The following RBFOX1 variants were observed in gnomAD, a reference collection of about 807,000 sequenced individuals.
RBFOX1 encodes the protein RNA binding fox-1 homolog 1, also known as RNA binding protein fox-1 homolog 1.
In RBFOX1, 8 loss-of-function variants were observed where a neutral mutation model predicts 57.7. That is an observed-to-expected ratio of 0.14 (90% CI 0.08 to 0.25). The LOEUF (loss-of-function observed/expected upper bound fraction) is 0.25. RBFOX1 is among the 10% of genes least tolerant of loss of function. RBFOX1 has a pLI of 1.00. For missense variants in RBFOX1, 611 were observed against 548.5 expected, an observed-to-expected ratio of 1.11 and a Z score of -1.14; for synonymous variants, 326 against 222.4, an observed-to-expected ratio of 1.47 and a Z score of -4.15.
intron 4 of RBFOX1, among the ~76,000 whole-genome samples, chr16:7,246,342 C>T (rs2094298089): frequency 6.6e-6 from 1 of 152,182 alleles, no homozygotes; most frequent in Non-Finnish European, 1.5e-5. Context: ...TCCTTGCTCC[C>T]TGGCATCCCC....
chr16:6,449,192 C>T (rs1597392544), intron 2 of RBFOX1, among the ~76,000 whole-genome samples: 2 of 152,290 alleles, frequency 1.3e-5, no homozygotes, highest in East Asian at 1.9e-4. Context: ...AAGTGCTGCA[C>T]ATAGCATAAT....
chr16:7,195,831 G>T (rs2086565877), intron 4 of RBFOX1, among the ~76,000 whole-genome samples: 1 of 152,100 alleles, frequency 6.6e-6, no homozygotes, highest in Non-Finnish European at 1.5e-5. Flanking sequence ...GGGGTTACAG[G>T]CATGAACCAC....
chr16:7,710,415 T>A, intron 15 of RBFOX1: 1 of 1,391,196 alleles, frequency 7.2e-7, no homozygotes, highest in Non-Finnish European at 9.2e-7. Flanking sequence ...CAGAATTTGG[T>A]TTTGCAGGGA....
At chr16:5,833,512 AAAAG>A (rs913324682) in intron 3 of RBFOX1, among the ~76,000 whole-genome samples, 13 of 151,082 alleles carry the variant, frequency 8.6e-5, no homozygotes, top group African/African-American at 3.2e-4. Flanking sequence ...AAAAAAAAAA[AAAAG>A]AAAGAAATCT....
chr16:7,683,212 T>C (rs1207298369), intron 14 of RBFOX1, among the ~76,000 whole-genome samples: 2 of 149,054 alleles, frequency 1.3e-5, no homozygotes, highest in Non-Finnish European at 3.0e-5. Context: ...GTCACCGTAA[T>C]TTTTTAAAAT....
intron 4 of RBFOX1, 30 bp downstream of exon 4, chr16:7,052,128 T>G: frequency 6.3e-7 from 1 of 1,585,534 alleles, no homozygotes; most frequent in Non-Finnish European, 8.5e-7. Flanking sequence ...AAATGCTTCC[T>G]GATTCTCATT....
At position 6,450,786 on chromosome 16, in the gene RBFOX1, T is replaced by C. The variant is rs866936440; in HGVS notation, c.-64+133729T>C. ...ATATGTGTATATATATATATATATA[T>C]ATACATATATATATGTATATATATA... On this transcript the variant is annotated intron_variant, in intron 2 of 15. Coordinates refer to ENST00000550418, the MANE Select transcript of RBFOX1 (RefSeq NM_018723.4). Among the ~76,000 whole-genome samples the C allele has an allele frequency of 4.7e-3, 251 of 53,786 alleles. 16 individuals are homozygous for C. Among genetic ancestry groups the C allele is most frequent in the African/African-American group, 0.022 (224 of 10,304 alleles). 35.3% of individuals were successfully genotyped at this position (53,786 alleles called of 152,430 possible).
At chr16:6,000,818 T>TGGG (rs1345590154) in intron 4 of RBFOX1, among the ~76,000 whole-genome samples, 1 of 113,654 alleles carries the variant, frequency 8.8e-6, no homozygotes, top group South Asian at 3.4e-4. Flanking sequence ...GGTGGATGAG[T>TGGG]TGGTGGGTGG....
At position 7,627,506 on chromosome 16, in the gene RBFOX1, GC is replaced by G. The variant is rs1247693208; in HGVS notation, c.677-3096del. Reference sequence around the variant, plus strand: ...CATGTGATACAAATGAAGGTTCCTGGCATTTGGCAGTAGAAGGTTTATGTTG... The same window carrying G: ...CATGTGATACAAATGAAGGTTCCTGGATTTGGCAGTAGAAGGTTTATGTTG... On this transcript the variant is annotated intron_variant, in intron 10 of 15. Transcript: ENST00000550418. 2.6e-5 allele frequency among the ~76,000 whole-genome samples: 4 copies of G among 152,152 alleles called. No homozygotes were observed. In the East Asian group the frequency reaches 7.7e-4, roughly 29 times the overall value.
intron 1 of RBFOX1, among the ~76,000 whole-genome samples, chr16:6,029,628 C>T (rs2095258384): frequency 6.6e-6 from 1 of 151,960 alleles, no homozygotes; most frequent in Non-Finnish European, 1.5e-5. Flanking sequence ...AAAAAATTAG[C>T]CGGGCGTGGT....
At chr16:6,928,549 C>G (rs1366732846) in intron 3 of RBFOX1, among the ~76,000 whole-genome samples, 2 of 152,018 alleles carry the variant, frequency 1.3e-5, no homozygotes, top group Admixed American at 6.5e-5. Flanking sequence ...CCAGGGTAAC[C>G]TTGTTGGCCC....
At chr16:7,529,160 C>T (rs1409166846) in intron 5 of RBFOX1, among the ~76,000 whole-genome samples, 1 of 152,118 alleles carries the variant, frequency 6.6e-6, no homozygotes, top group Non-Finnish European at 1.5e-5. Context: ...GCTCGGGAGG[C>T]TGAGGCAGAA....
chr16:5,914,353 C>T (rs1222184917), intron 4 of RBFOX1, among the ~76,000 whole-genome samples: 3 of 152,188 alleles, frequency 2.0e-5, no homozygotes, highest in Non-Finnish European at 2.9e-5. Context: ...TCCCCTGGTG[C>T]AGGATCTCTC....
chr16:5,569,460 T>TG (rs2046197986), intron 2 of RBFOX1, among the ~76,000 whole-genome samples: 1 of 108,530 alleles, frequency 9.2e-6, no homozygotes, highest in African/African-American at 4.0e-5. Flanking sequence ...TTTTTTTTTT[T>TG]TTTTTTTCTT....
chr16:7,010,179 A>C (rs893801449), intron 3 of RBFOX1, among the ~76,000 whole-genome samples: 1 of 152,238 alleles, frequency 6.6e-6, no homozygotes, highest in Non-Finnish European at 1.5e-5. Context: ...TGTGAATACT[A>C]TGAGGGTCCC....
rs527927663 is a variant in RBFOX1 at position 6,807,914 on chromosome 16, G to A, written c.-16+153264G>A. ...TATATTATTGTGTGTGTGTGTGTGTGTATATATATATAGGGTATAATATGC... is the reference window on the plus strand; with the variant it reads ...TATATTATTGTGTGTGTGTGTGTGTATATATATATATAGGGTATAATATGC... On this transcript the variant is annotated intron_variant, in intron 3 of 15. Coordinates refer to ENST00000550418, the MANE Select transcript of RBFOX1 (RefSeq NM_018723.4). 8.4e-3 allele frequency among the ~76,000 whole-genome samples: 1,111 copies of A among 132,090 alleles called. 10 individuals are homozygous for A. The highest frequency in any genetic ancestry group is 0.025 in the African/African-American group (910 of 36,320). 86.7% of individuals were successfully genotyped at this position (132,090 alleles called of 152,430 possible).
chr16:7,237,952 C>G (rs140847672), intron 4 of RBFOX1, among the ~76,000 whole-genome samples: 1 of 152,268 alleles, frequency 6.6e-6, no homozygotes, highest in Non-Finnish European at 1.5e-5. Context: ...TACAGTGAGC[C>G]CACGTCGCGT....
At chr16:5,747,370 C>T (rs902687711) in intron 3 of RBFOX1, among the ~76,000 whole-genome samples, 1 of 152,156 alleles carries the variant, frequency 6.6e-6, no homozygotes, top group Non-Finnish European at 1.5e-5. Context: ...CTCTGCCAGG[C>T]TTTGGTATCA....
rs556916810 is a variant in RBFOX1, at chr16:5,254,374, A to T, written c.219+14269A>T. Among the ~76,000 whole-genome samples the T allele has an allele frequency of 7.2e-5, 11 of 152,290 alleles. 1 individual carries two copies. In the South Asian group the frequency reaches 2.3e-3, roughly 32 times the overall value. On this transcript the variant is annotated intron_variant, in intron 1 of 2. Transcript: ENST00000585867. ...GTTATGCTAGAAGATGGTGTCAGGA[A>T]CATACTTGTCTGTGGGCCTTCTTAC...
Sources: allele counts gnomAD v4.1 joint callset (sites outside exome capture counted in the v4.1 genomes callset), GRCh38; gene constraint gnomAD v4.1.1; transcripts MANE v1.5; gene names NCBI Gene and HGNC (gene_info 2026-07-23, HGNC 2026-07-21).